The following BTBD8 variants were observed in gnomAD, a reference collection of about 807,000 sequenced individuals.
BTBD8 encodes BTB domain containing 8.
BTBD8 carries 110 observed loss-of-function variants against 162.9 expected under a neutral mutation model. The ratio of observed to expected loss-of-function variants is 0.68; its 90% CI spans 0.58 to 0.79. The LOEUF (loss-of-function observed/expected upper bound fraction) is 0.79. Ranked by LOEUF, BTBD8 falls within the 30% of genes least tolerant of loss-of-function variation. BTBD8 has a pLI of 0.00. For missense variants in BTBD8, 1,905 were observed against 2,085.4 expected (o/e 0.91, Z 1.68); for synonymous variants, 667 against 716.1 (o/e 0.93, Z 1.10).
intron 9 of BTBD8, among the ~76,000 whole-genome samples, chr1:92,155,966 T>TGGAA (rs1650152001): frequency 6.6e-6 from 1 of 152,184 alleles, no homozygotes; most frequent in Non-Finnish European, 1.5e-5. Flanking sequence ...TCCAGGACTA[T>TGGAA]GTTGAATGGA....
At chr1:92,168,602 A>C (rs904995493) in intron 11 of BTBD8, among the ~76,000 whole-genome samples, 1 of 152,200 alleles carries the variant, frequency 6.6e-6, no homozygotes, top group African/African-American at 2.4e-5. Flanking sequence ...TGATATGAAA[A>C]GGCTGTGGAA....
In BTBD8 at chr1:92,181,406, T is replaced by C. The variant is rs960964518; in HGVS notation, c.3723T>C (p.Val1241=). 6.4e-7 allele frequency: 1 copy of C among 1,551,562 alleles called. No individual in the cohort carries two copies. Among genetic ancestry groups the C allele is most frequent in the Non-Finnish European group, 8.7e-7 (1 of 1,146,986 alleles). The change falls in exon 17 of 18, where the codon GTT becomes GTC. Residue 1241 remains valine (V), a synonymous_variant. Transcript: ENST00000636805. The part of the protein sequence containing the change: ...FVGHWNLSTG[V]LHQRESPESD... The stretch of plus-strand genomic sequence containing the variant: ...GTCACTGGAATTTGAGTACTGGTGT[T>C]CTGCATCAGCGAGAGAGTCCTGAAT...
intron 3 of BTBD8, among the ~76,000 whole-genome samples, chr1:92,105,853 GGTTATAACTAA>G (rs753295497): frequency 1.2e-4 from 19 of 152,296 alleles, no homozygotes; most frequent in Non-Finnish European, 2.5e-4. Flanking sequence ...TGGCTTGATT[GGTTATAACTAA>G]GTGTTTGCCT....
At chr1:92,183,724 T>A in intron 17 of BTBD8, 140 bp from the exon 18 acceptor site, 5 of 625,084 alleles carry the variant, frequency 8.0e-6, no homozygotes, top group Non-Finnish European at 1.3e-5. Flanking sequence ...ATCTTGTCAA[T>A]TTTGTATAGA....
chr1:92,129,567 T>C (rs1649457075), intron 4 of BTBD8, 120 bp from the exon 5 acceptor site: 1 of 788,570 alleles, frequency 1.3e-6, no homozygotes, highest in African/African-American at 1.7e-5. Context: ...TGCCTATGAA[T>C]ACAAACAAAA....
intron 4 of BTBD8, among the ~76,000 whole-genome samples, chr1:92,119,497 G>A (rs1294702366): frequency 6.6e-6 from 1 of 151,674 alleles, no homozygotes; most frequent in African/African-American, 2.4e-5. Context: ...CGCTGGCCAG[G>A]CCAGTTTCAC....
chr1:92,087,508 C>G (rs1387800642), intron 1 of BTBD8, among the ~76,000 whole-genome samples: 1 of 152,150 alleles, frequency 6.6e-6, no homozygotes, highest in African/African-American at 2.4e-5. Flanking sequence ...TGCTCTGAAG[C>G]ATTTGTTTTG....
chr1:92,102,382 A>G (rs1648612196), intron 2 of BTBD8, 91 bp from the exon 3 acceptor site: 1 of 1,055,408 alleles, frequency 9.5e-7, no homozygotes, highest in African/African-American at 1.7e-5. Flanking sequence ...TTAATATTAT[A>G]TATGAAAGTA....
At position 92,139,423 on chromosome 1, in the gene BTBD8, A is replaced by G. The variant is rs1649714341; in HGVS notation, c.826A>G (p.Asn276Asp). Residue 276 changes from asparagine (N) to aspartate (D), a missense_variant, in exon 6 of 18, where the codon AAT becomes GAT. Transcript: ENST00000636805. ...AACTCTGGACATTCCAGACAAAACTAATGTTGGGTATGTATTCCTTTTTAA... is the reference window on the plus strand; with the variant it reads ...AACTCTGGACATTCCAGACAAAACTGATGTTGGGTATGTATTCCTTTTTAA... ...GGTLDIPDKT[N>D]VGQILNMADM... 6.2e-7 allele frequency: 1 copy of G among 1,602,560 alleles called. No individual in the cohort carries two copies. Among genetic ancestry groups the G allele is most frequent in the South Asian group, 1.1e-5 (1 of 87,342 alleles).
intron 1 of BTBD8, among the ~76,000 whole-genome samples, chr1:92,086,580 G>A (rs1648167184): frequency 6.6e-6 from 1 of 151,822 alleles, no homozygotes; most frequent in Non-Finnish European, 1.5e-5. Flanking sequence ...GCAGTGAGCT[G>A]AGATGGTACC....
chr1:92,126,326 T>C (rs1649358465), intron 4 of BTBD8: 1 of 594,642 alleles, frequency 1.7e-6, no homozygotes, highest in Admixed American at 1.9e-5. Context: ...TGAATCACCC[T>C]CCTGCTGCCA....
chr1:92,101,464 T>C (rs1362153983), intron 2 of BTBD8, among the ~76,000 whole-genome samples: 1 of 152,170 alleles, frequency 6.6e-6, no homozygotes. Context: ...GAAATATTCA[T>C]GACAGCTCCC....
chr1:92,088,945 T>C (rs1266852761), intron 2 of BTBD8, 50 bp downstream of exon 2: 13 of 1,411,432 alleles, frequency 9.2e-6, no homozygotes, highest in Non-Finnish European at 1.2e-5. Flanking sequence ...TGCTTATTTT[T>C]AACATGTATG....
At chr1:92,145,080 C>T (rs1281030364) in intron 7 of BTBD8, among the ~76,000 whole-genome samples, 1 of 152,120 alleles carries the variant, frequency 6.6e-6, no homozygotes, top group Non-Finnish European at 1.5e-5. Flanking sequence ...TTTCCTGCCT[C>T]AGCCTCCTGA....
chr1:92,178,292 A>G lies in BTBD8; in HGVS notation c.2442-20A>G, dbSNP rs1557467410. 6.5e-7 allele frequency: 1 copy of G among 1,541,818 alleles called. No homozygotes were observed. Among genetic ancestry groups the G allele is most frequent in the Non-Finnish European group, 8.8e-7 (1 of 1,142,162 alleles). On this transcript the variant is annotated intron_variant, in intron 15 of 17. Coordinates refer to ENST00000636805, the MANE Select transcript of BTBD8 (RefSeq NM_001376131.1). ...TTTTGGAATCTAAGTGTAATACTGA[A>G]TGCAAATAATTTTTTTTAGTGTACT...
chr1:92,161,623 C>T (rs190324346), intron 9 of BTBD8, among the ~76,000 whole-genome samples: 88 of 152,260 alleles, frequency 5.8e-4, no homozygotes, highest in Non-Finnish European at 1.0e-3. Flanking sequence ...AGATCCTGAA[C>T]TTCATTTATT....
intron 9 of BTBD8, among the ~76,000 whole-genome samples, chr1:92,156,768 T>C (rs1456103752): frequency 2.6e-5 from 4 of 152,110 alleles, no homozygotes; most frequent in Non-Finnish European, 5.9e-5. Flanking sequence ...TTAATTTGTG[T>C]CATCTATTGT....
chr1:92,102,200 T>C (rs1570719180), intron 2 of BTBD8, among the ~76,000 whole-genome samples: 1 of 151,918 alleles, frequency 6.6e-6, no homozygotes, highest in South Asian at 2.1e-4. Context: ...TATTTTTTTA[T>C]TAGAGACAGG....
chr1:92,084,259 A>G (rs1333348506), intron 1 of BTBD8, among the ~76,000 whole-genome samples: 7 of 152,170 alleles, frequency 4.6e-5, no homozygotes, highest in Non-Finnish European at 5.9e-5. Context: ...AAATTTATAT[A>G]TTTTGAAAAA....
Sources: gnomAD v4.1 joint callset for allele counts (sites outside exome capture counted in the v4.1 genomes callset) on GRCh38, gnomAD v4.1.1 for gene constraint, MANE v1.5 for transcripts, NCBI Gene and HGNC (gene_info 2026-07-23, HGNC 2026-07-21) for gene names.